TAOK1: variants seen among roughly 807,000 people sequenced by gnomAD.
TAOK1 encodes serine/threonine-protein kinase TAO1.
TAOK1 carries 21 observed loss-of-function variants against 138.3 expected under a neutral mutation model. That is an observed-to-expected ratio of 0.15 (90% CI 0.11 to 0.22). The LOEUF is 0.22. Among genes scored for constraint, TAOK1 ranks in the 10% least tolerant of loss-of-function variants. TAOK1 has a pLI of 1.00. For synonymous variants in TAOK1, 361 were observed against 398.4 expected (o/e 0.91, Z 1.12); for missense variants, 651 against 1,227.7 (o/e 0.53, Z 7.02).
chr17:29,481,296 C>A (rs569839292), intron 7 of TAOK1, among the ~76,000 whole-genome samples: 1 of 151,348 alleles, frequency 6.6e-6, no homozygotes, highest in South Asian at 2.1e-4. Context: ...TAGGTTCAAG[C>A]GATTCTCCTG....
chr17:29,393,112 T>C lies in TAOK1; in HGVS notation c.-95+2088T>C, dbSNP rs112634588. ...TTTCATGGGACAAAGCTGCATGTTG[T>C]TGATATGTAGAGTTTTCTCCATTAT... On this transcript the variant is annotated intron_variant, in intron 1 of 19. Coordinates refer to ENST00000261716, the MANE Select transcript of TAOK1 (RefSeq NM_020791.4). Among the ~76,000 whole-genome samples, 1,141 of 152,322 alleles carry C rather than the reference T, an allele frequency of 7.5e-3. 17 individuals are homozygous for C. The highest frequency in any genetic ancestry group is 0.026 in the African/African-American group (1,093 of 41,574).
intron 1 of TAOK1, among the ~76,000 whole-genome samples, chr17:29,406,927 A>G (rs1423968080): frequency 6.6e-6 from 1 of 152,182 alleles, no homozygotes; most frequent in Non-Finnish European, 1.5e-5. Context: ...CATAAATATG[A>G]AGTGTAAGCC....
rs1017901073 is a variant in TAOK1, at chr17:29,548,161, C to T, written c.*5139C>T. 2.0e-5 allele frequency: 3 copies of T among 152,050 alleles called. No homozygotes were observed. The highest frequency in any genetic ancestry group is 6.6e-5 in the Admixed American group (1 of 15,250). 9.4% of individuals were successfully genotyped at this position (152,050 alleles called of 1,614,324 possible). On this transcript the variant is annotated 3_prime_UTR_variant, in exon 20 of 20. Coordinates refer to ENST00000261716, the MANE Select transcript of TAOK1 (RefSeq NM_020791.4). ...TTGTATTCAGATTTCCAAAATTTCA[C>T]TCATACAAGGGAAGAGACTCCATTT...
intron 1 of TAOK1, among the ~76,000 whole-genome samples, chr17:29,404,496 A>T (rs1446707373): frequency 2.6e-5 from 4 of 152,106 alleles, no homozygotes; most frequent in African/African-American, 9.7e-5. Flanking sequence ...AATAACTATG[A>T]TATAAAAACT....
intron 1 of TAOK1, among the ~76,000 whole-genome samples, chr17:29,415,073 G>A (rs560641683): frequency 9.2e-5 from 14 of 152,098 alleles, no homozygotes; most frequent in African/African-American, 3.1e-4. Context: ...AGGTTCAAGC[G>A]ATTCTCCTGC....
rs142148229 is a variant in TAOK1, at chr17:29,418,826, G to T, written c.-95+27802G>T. On this transcript the variant is annotated intron_variant, in intron 1 of 19. Coordinates refer to ENST00000261716, the MANE Select transcript of TAOK1 (RefSeq NM_020791.4). The stretch of plus-strand genomic sequence containing the variant: ...GAGGTTGACTGAATCCAGGAACGTG[G>T]AACTAAGGATACAGGGGGCTGACTA... Among the ~76,000 whole-genome samples, 27 of 152,120 alleles carry T rather than the reference G, an allele frequency of 1.8e-4. No individual in the cohort carries two copies. The East Asian group carries it at 5.0e-3, about 28-fold the overall frequency.
intron 3 of TAOK1, among the ~76,000 whole-genome samples, chr17:29,471,264 A>G (rs1181491506): frequency 6.8e-6 from 1 of 146,698 alleles, no homozygotes; most frequent in Non-Finnish European, 1.5e-5. Flanking sequence ...TTAATTTTAA[A>G]ATATTTTCTT....
chr17:29,436,945 A>C (rs560065336), intron 1 of TAOK1, among the ~76,000 whole-genome samples: 13 of 152,216 alleles, frequency 8.5e-5, no homozygotes, highest in Non-Finnish European at 1.6e-4. Flanking sequence ...AAGGCTGCTA[A>C]ATGTTTGAGG....
rs909293327 is a variant in TAOK1 at position 29,390,833 on chromosome 17, C to CT, written c.-286_-285insT. ...CCCGGTCGTCCCCTCGCCCCCCCCC[C>CT]CACCCCCCGCCGCCGCCGCCCCTTG... On this transcript the variant is annotated 5_prime_UTR_variant, in exon 1 of 20. Coordinates refer to ENST00000261716, the MANE Select transcript of TAOK1 (RefSeq NM_020791.4). The CT allele has an allele frequency of 4.6e-5, 7 of 151,080 alleles. No individual in the cohort carries two copies. Among genetic ancestry groups the CT allele is most frequent in the South Asian group, 2.1e-4 (1 of 4,792 alleles). 9.4% of individuals were successfully genotyped at this position (151,080 alleles called of 1,614,324 possible).
chr17:29,474,107 A>C (rs756737117), intron 3 of TAOK1, among the ~76,000 whole-genome samples: 1 of 152,112 alleles, frequency 6.6e-6, no homozygotes, highest in African/African-American at 2.4e-5. Flanking sequence ...CTAGCTTCCA[A>C]CTTTTCTTCT....
At chr17:29,496,345 T>C (rs1178176175) in intron 11 of TAOK1, among the ~76,000 whole-genome samples, 1 of 152,144 alleles carries the variant, frequency 6.6e-6, no homozygotes, top group African/African-American at 2.4e-5. Context: ...CTTGAACTCC[T>C]GACCTCAGGT....
At chr17:29,440,806 C>T (rs2029920767) in intron 1 of TAOK1, among the ~76,000 whole-genome samples, 1 of 152,140 alleles carries the variant, frequency 6.6e-6, no homozygotes, top group African/African-American at 2.4e-5. Context: ...GAACTCCTGA[C>T]CTCAGGTGAT....
chr17:29,459,977 G>T (rs1349181894), intron 2 of TAOK1, among the ~76,000 whole-genome samples: 1 of 152,160 alleles, frequency 6.6e-6, no homozygotes, highest in Non-Finnish European at 1.5e-5. Flanking sequence ...GGAGCAGTGG[G>T]TCTTTCATTG....
intron 1 of TAOK1, among the ~76,000 whole-genome samples, chr17:29,420,585 GTTT>G (rs71360703): frequency 1.6e-5 from 2 of 123,524 alleles, no homozygotes; most frequent in Admixed American, 8.9e-5. Flanking sequence ...TACTTAATCT[GTTT>G]TTTTTTTTTT....
rs966457494 is a variant in TAOK1 at position 29,444,676 on chromosome 17, T to C, written c.-94-6779T>C. On this transcript the variant is annotated intron_variant, in intron 1 of 19. Transcript: ENST00000261716. ...TTTTCATATACAGGCTAGAATCAGT[T>C]TGTTGATATCTACAGAAAATCCTCT... Among the ~76,000 whole-genome samples, 20 of 152,322 alleles carry C rather than the reference T, an allele frequency of 1.3e-4. 1 individual carries two copies. In the East Asian group the frequency reaches 1.3e-3, roughly 10 times the overall value.
intron 1 of TAOK1, among the ~76,000 whole-genome samples, chr17:29,431,284 G>A (rs961166951): frequency 2.6e-5 from 4 of 152,066 alleles, no homozygotes; most frequent in African/African-American, 7.2e-5. Flanking sequence ...CTACTAAAAA[G>A]AAAACATATT....
At chr17:29,472,934 A>G (rs545974792) in intron 3 of TAOK1, among the ~76,000 whole-genome samples, 6 of 152,240 alleles carry the variant, frequency 3.9e-5, no homozygotes, top group East Asian at 1.9e-4. Context: ...CATGGGCTGC[A>G]GAATGGATGG....
intron 19 of TAOK1, 149 bp downstream of exon 19, chr17:29,534,449 C>G: frequency 1.4e-6 from 1 of 703,940 alleles, no homozygotes; most frequent in Non-Finnish European, 2.1e-6. Flanking sequence ...GCAGATTTTT[C>G]TTTAAAATTA....
At chr17:29,397,336 G>T (rs1904642424) in intron 1 of TAOK1, among the ~76,000 whole-genome samples, 1 of 151,400 alleles carries the variant, frequency 6.6e-6, no homozygotes, top group African/African-American at 2.4e-5. Context: ...GGGTGCCGTG[G>T]CTCACGCCTG....
Sources: allele counts gnomAD v4.1 joint callset (sites outside exome capture counted in the v4.1 genomes callset), GRCh38; gene constraint gnomAD v4.1.1; transcripts MANE v1.5; gene names NCBI Gene and HGNC (gene_info 2026-07-23, HGNC 2026-07-21).